TANC2: variants seen among roughly 807,000 people sequenced by gnomAD.
TANC2 encodes tetratricopeptide repeat, ankyrin repeat and coiled-coil containing 2.
In TANC2, 26 loss-of-function variants were observed where a neutral mutation model predicts 210.5. The ratio of observed to expected loss-of-function variants is 0.12; its 90% confidence interval spans 0.09 to 0.17. The LOEUF is 0.17. Among genes scored for constraint, TANC2 ranks in the 10% least tolerant of loss-of-function variants. The probability of loss-of-function intolerance (pLI) is 1.00; values close to 1 mark genes in which losing one functional copy is unlikely to be tolerated. For missense variants in TANC2, 2,129 were observed against 2,608.9 expected (o/e 0.82, Z 4.01); for synonymous variants, 931 against 967.1 (o/e 0.96, Z 0.69).
At chr17:63,390,936 A>G (rs923735822) in intron 17 of TANC2, 3 of 152,086 alleles carry the variant, frequency 2.0e-5, no homozygotes, top group African/African-American at 7.2e-5. Context: ...TCTGCCCTTC[A>G]TCACTGTGAT....
chr17:63,056,799 G>C (rs1359027180), intron 2 of TANC2, among the ~76,000 whole-genome samples: 2 of 152,184 alleles, frequency 1.3e-5, no homozygotes, highest in African/African-American at 4.8e-5. Flanking sequence ...TTTCTTATCT[G>C]TATTTCTCCT....
intron 6 of TANC2, among the ~76,000 whole-genome samples, chr17:63,198,005 A>G (rs1262005275): frequency 1.3e-5 from 2 of 152,210 alleles, no homozygotes; most frequent in Non-Finnish European, 2.9e-5. Context: ...ACATTCTCTG[A>G]TATGTGCTTT....
intron 5 of TANC2, among the ~76,000 whole-genome samples, chr17:63,173,442 C>G (rs544234063): frequency 6.6e-6 from 1 of 152,298 alleles, no homozygotes; most frequent in South Asian, 2.1e-4. Context: ...GATGACCTCT[C>G]TAATTTTTGC....
intron 2 of TANC2, among the ~76,000 whole-genome samples, chr17:63,047,018 G>C (rs973657758): frequency 3.3e-5 from 5 of 152,138 alleles, no homozygotes; most frequent in African/African-American, 9.7e-5. Flanking sequence ...TATATAGGGA[G>C]TAAGAGGTTT....
In TANC2 at chr17:63,406,113, C is replaced by T. The variant is rs766130506; in HGVS notation, c.3466-41C>T. The T allele has an allele frequency of 3.1e-6, 5 of 1,611,106 alleles. 1 individual carries two copies. In the African/African-American group the frequency reaches 6.7e-5, roughly 22 times the overall value. On this transcript the variant is annotated intron_variant, in intron 20 of 27. Transcript: ENST00000689528. Reference sequence around the variant, plus strand: ...GTGTGCACGTGTCTTCTCAGCAGCTCTTCTTTGGGCTAATTGGTCCCTGTT... The same window carrying T: ...GTGTGCACGTGTCTTCTCAGCAGCTTTTCTTTGGGCTAATTGGTCCCTGTT...
At chr17:63,089,617 AT>A (rs891094977) in intron 3 of TANC2, among the ~76,000 whole-genome samples, 9 of 152,038 alleles carry the variant, frequency 5.9e-5, no homozygotes, top group South Asian at 2.1e-4. Context: ...TCTCTGCTTA[AT>A]TTTTTTTAAT....
intron 9 of TANC2, among the ~76,000 whole-genome samples, chr17:63,293,751 G>GT (rs1157410198): frequency 4.0e-5 from 6 of 151,186 alleles, no homozygotes; most frequent in Non-Finnish European, 5.9e-5. Flanking sequence ...TTTTGTTTTT[G>GT]TTTTTTTTCC....
chr17:63,261,273 G>A (rs2043348595), intron 8 of TANC2, among the ~76,000 whole-genome samples: 1 of 152,018 alleles, frequency 6.6e-6, no homozygotes, highest in African/African-American at 2.4e-5. Context: ...CATTAACTAG[G>A]TTTAAAGAAC....
rs561520155 is a variant in TANC2, at chr17:63,344,934, A to G, written c.1807+4602A>G. On this transcript the variant is annotated intron_variant, in intron 12 of 27. Transcript: ENST00000689528. Reference sequence around the variant, plus strand: ...TGCTTTGGGAGGCATGTATTGCCATATATGAAACCTGACTACCCTGAGTTC... The same window carrying G: ...TGCTTTGGGAGGCATGTATTGCCATGTATGAAACCTGACTACCCTGAGTTC... Among the ~76,000 whole-genome samples, 10 of 152,304 alleles carry G rather than the reference A, an allele frequency of 6.6e-5. No homozygotes were observed. The East Asian group carries it at 1.7e-3, about 27-fold the overall frequency.
chr17:63,396,901 C>T (rs775441458), intron 18 of TANC2: 4 of 151,962 alleles, frequency 2.6e-5, no homozygotes, highest in Non-Finnish European at 4.4e-5. Flanking sequence ...TCCCAAACCT[C>T]GGCATCATCC....
At chr17:62,972,564 T>G (rs2031762515) in intron 1 of TANC2, among the ~76,000 whole-genome samples, 1 of 152,234 alleles carries the variant, frequency 6.6e-6, no homozygotes, top group South Asian at 2.1e-4. Context: ...TTGTCAACTT[T>G]GCCTACATTT....
At chr17:63,419,885 G>A in intron 27 of TANC2, 114 bp from the exon 28 acceptor site, 2 of 1,247,444 alleles carry the variant, frequency 1.6e-6, no homozygotes, top group Non-Finnish European at 2.2e-6. Flanking sequence ...AAATACCCCA[G>A]ACTCCCACAG....
intron 8 of TANC2, among the ~76,000 whole-genome samples, chr17:63,250,660 T>TCTAATG (rs2043033025): frequency 2.6e-5 from 4 of 152,128 alleles, no homozygotes; most frequent in Non-Finnish European, 4.4e-5. Context: ...TGGTTATTCG[T>TCTAATG]TCATTAGACA....
intron 1 of TANC2, among the ~76,000 whole-genome samples, chr17:62,995,436 T>C (rs748457838): frequency 1.3e-5 from 2 of 152,228 alleles, no homozygotes; most frequent in Non-Finnish European, 2.9e-5. Context: ...TTAGGCAATT[T>C]AGTCTAATGG....
intron 9 of TANC2, among the ~76,000 whole-genome samples, chr17:63,285,533 A>G (rs2044194524): frequency 6.6e-6 from 1 of 152,182 alleles, no homozygotes; most frequent in Admixed American, 6.6e-5. Context: ...GAAGACTCAC[A>G]GGACTCAACA....
chr17:63,309,515 CATT>C (rs903892728), intron 9 of TANC2, among the ~76,000 whole-genome samples: 67 of 152,154 alleles, frequency 4.4e-4, no homozygotes, highest in Admixed American at 3.8e-3. Flanking sequence ...TAAAATATGA[CATT>C]AAAACTAAAT....
chr17:63,367,717 C>T (rs2047150650), intron 14 of TANC2, among the ~76,000 whole-genome samples: 1 of 152,088 alleles, frequency 6.6e-6, no homozygotes, highest in Non-Finnish European at 1.5e-5. Context: ...GTAACAGAAA[C>T]AAGGAGGAGT....
chr17:62,972,790 T>C (rs1471162934), intron 1 of TANC2, among the ~76,000 whole-genome samples: 1 of 152,224 alleles, frequency 6.6e-6, no homozygotes, highest in Non-Finnish European at 1.5e-5. Context: ...GGTAGTAAAC[T>C]GTGTGTGGTT....
intron 2 of TANC2, among the ~76,000 whole-genome samples, chr17:63,059,011 C>T (rs1048968427): frequency 6.6e-6 from 1 of 152,052 alleles, no homozygotes; most frequent in Non-Finnish European, 1.5e-5. Context: ...TAGCATTGAA[C>T]CTGTAAATTG....
Sources: gnomAD v4.1 joint callset for allele counts (sites outside exome capture counted in the v4.1 genomes callset) on GRCh38, gnomAD v4.1.1 for gene constraint, MANE v1.5 for transcripts, NCBI Gene and HGNC (gene_info 2026-07-23, HGNC 2026-07-21) for gene names.